Variants in CNTN6 observed in about 807,000 individuals in gnomAD.
The protein encoded by CNTN6 is contactin 6, also known as contactin-6.
In CNTN6, 137 loss-of-function variants were observed where a neutral mutation model predicts 122.8. That is an observed-to-expected ratio of 1.12 (90% CI 0.97 to 1.29). The LOEUF (loss-of-function observed/expected upper bound fraction) is 1.29, where lower values mean the gene tolerates loss of function less well. Ranked by LOEUF, CNTN6 falls within the 50% of genes most tolerant of loss-of-function variation. The probability of loss-of-function intolerance (pLI) is 0.00; values close to 1 mark genes in which losing one functional copy is unlikely to be tolerated. For missense variants in CNTN6, 1,634 were observed against 1,223.4 expected (o/e 1.34, Z -5.01); for synonymous variants, 570 against 426.0 (o/e 1.34, Z -4.16).
intron 12 of CNTN6, among the ~76,000 whole-genome samples, chr3:1,363,333 T>C (rs1707749753): frequency 6.6e-6 from 1 of 151,978 alleles, no homozygotes; most frequent in Non-Finnish European, 1.5e-5. Flanking sequence ...CACAGATAAC[T>C]GTATCATTGT....
intron 4 of CNTN6, among the ~76,000 whole-genome samples, chr3:1,265,044 CTTTTTTT>C (rs201949693): frequency 9.9e-6 from 1 of 100,776 alleles, no homozygotes; most frequent in African/African-American, 3.8e-5. Flanking sequence ...ACCGAATTTC[CTTTTTTT>C]TTTTTTTTTT....
chr3:1,207,151 C>T (rs1188886116), intron 2 of CNTN6, among the ~76,000 whole-genome samples: 1 of 152,052 alleles, frequency 6.6e-6, no homozygotes, highest in Non-Finnish European at 1.5e-5. Flanking sequence ...ATTTATAAAA[C>T]CAAAGTCTTT....
At chr3:1,269,599 T>C (rs544369926) in intron 4 of CNTN6, among the ~76,000 whole-genome samples, 1 of 152,322 alleles carries the variant, frequency 6.6e-6, no homozygotes, top group Non-Finnish European at 1.5e-5. Context: ...CCACCATTTG[T>C]CAGGCAAATG....
At chr3:1,157,192 T>TTA (rs1491571408) in intron 2 of CNTN6, among the ~76,000 whole-genome samples, 26,099 of 146,230 alleles carry the variant, frequency 0.18, 3,129 homozygotes, top group African/African-American at 0.32. Flanking sequence ...AATTATACTC[T>TTA]TTTATTTATT....
chr3:1,125,742 A>G (rs2092136772), intron 1 of CNTN6, among the ~76,000 whole-genome samples: 1 of 151,680 alleles, frequency 6.6e-6, no homozygotes, highest in Non-Finnish European at 1.5e-5. Flanking sequence ...GAATTTCTGT[A>G]AATTAAAGCT....
intron 20 of CNTN6, among the ~76,000 whole-genome samples, chr3:1,388,255 CTGA>C: frequency 6.7e-6 from 1 of 149,422 alleles, no homozygotes; most frequent in East Asian, 2.0e-4. Flanking sequence ...TCCCTGACCC[CTGA>C]CCCCCGAGCA....
At chr3:1,232,356 C>T (rs2094362946) in intron 4 of CNTN6, among the ~76,000 whole-genome samples, 2 of 152,072 alleles carry the variant, frequency 1.3e-5, no homozygotes, top group African/African-American at 4.8e-5. Context: ...TAATTTATAC[C>T]CATCAAGTAC....
At chr3:1,395,007 A>C (rs1046693221) in intron 20 of CNTN6, among the ~76,000 whole-genome samples, 4 of 152,044 alleles carry the variant, frequency 2.6e-5, no homozygotes, top group Non-Finnish European at 4.4e-5. Context: ...TTCTTAACTA[A>C]ATCAAACAAG....
chr3:1,330,544 C>T (rs1702145156), intron 11 of CNTN6, among the ~76,000 whole-genome samples: 1 of 151,846 alleles, frequency 6.6e-6, no homozygotes, highest in South Asian at 2.1e-4. Flanking sequence ...TTCTATTGTA[C>T]CGTAGAGCCT....
intron 12 of CNTN6, among the ~76,000 whole-genome samples, chr3:1,353,113 C>T (rs1481731950): frequency 6.6e-6 from 1 of 151,534 alleles, no homozygotes; most frequent in Admixed American, 6.6e-5. Context: ...GTATCTATTC[C>T]CTTTCCTTGC....
At position 1,245,227 on chromosome 3, in the gene CNTN6, TATATATATAC is replaced by T. The variant is rs1388761143; in HGVS notation, c.358+17236_358+17245del. On this transcript the variant is annotated intron_variant, in intron 4 of 22. Coordinates refer to ENST00000446702, the MANE Select transcript of CNTN6 (RefSeq NM_001289080.2). ...ATATATATATATATATATATATATA[TATATATATAC>T]ACACACACATATATATATAACATAT... Among the ~76,000 whole-genome samples the T allele has an allele frequency of 4.2e-3, 53 of 12,524 alleles. 11 individuals carry two copies. Among genetic ancestry groups the T allele is most frequent in the African/African-American group, 9.3e-3 (19 of 2,054 alleles). The allele number at this position is 12,524 out of a possible 152,430, so 8.2% of individuals were successfully genotyped here.
At chr3:1,216,890 CTCTT>C (rs1559531664) in intron 2 of CNTN6, among the ~76,000 whole-genome samples, 1 of 152,138 alleles carries the variant, frequency 6.6e-6, no homozygotes, top group African/African-American at 2.4e-5. Flanking sequence ...TTCTTGCTCT[CTCTT>C]AAGACAGATG....
intron 8 of CNTN6, among the ~76,000 whole-genome samples, chr3:1,324,860 G>T (rs190614104): frequency 6.7e-5 from 10 of 149,748 alleles, no homozygotes; most frequent in Non-Finnish European, 1.3e-4. Context: ...ATCTTGAACA[G>T]GTTACCTAAC....
At chr3:1,335,227 G>T (rs1446848829) in intron 11 of CNTN6, among the ~76,000 whole-genome samples, 2 of 152,164 alleles carry the variant, frequency 1.3e-5, no homozygotes, top group Non-Finnish European at 2.9e-5. Context: ...TGTCCGGAAT[G>T]ACAGGTGAGC....
intron 2 of CNTN6, among the ~76,000 whole-genome samples, chr3:1,206,057 G>A (rs897102227): frequency 1.3e-5 from 2 of 152,088 alleles, no homozygotes; most frequent in Non-Finnish European, 2.9e-5. Flanking sequence ...GAAAGGCAGG[G>A]TTAATCTTAT....
chr3:1,235,495 G>A (rs1056600635), intron 4 of CNTN6, among the ~76,000 whole-genome samples: 19 of 151,540 alleles, frequency 1.3e-4, no homozygotes, highest in Admixed American at 7.9e-4. Flanking sequence ...GTAATAATGT[G>A]TATATAATTA....
At chr3:1,114,220 C>T (rs1574895450) in intron 1 of CNTN6, among the ~76,000 whole-genome samples, 1 of 152,108 alleles carries the variant, frequency 6.6e-6, no homozygotes, top group Non-Finnish European at 1.5e-5. Context: ...AGAGCAGTGG[C>T]AAAGGCAGAA....
intron 12 of CNTN6, among the ~76,000 whole-genome samples, chr3:1,359,560 G>A (rs1001850651): frequency 1.3e-5 from 2 of 151,970 alleles, no homozygotes; most frequent in East Asian, 1.9e-4. Context: ...TATTGACCAT[G>A]ATTACTTTAT....
At chr3:1,206,647 A>T (rs2093961607) in intron 2 of CNTN6, among the ~76,000 whole-genome samples, 1 of 152,000 alleles carries the variant, frequency 6.6e-6, no homozygotes, top group Admixed American at 6.6e-5. Flanking sequence ...ACTCCTTAGA[A>T]TTTTTTCTTT....
Sources: gnomAD v4.1 joint callset for allele counts (sites outside exome capture counted in the v4.1 genomes callset) on GRCh38, gnomAD v4.1.1 for gene constraint, MANE v1.5 for transcripts, NCBI Gene and HGNC (gene_info 2026-07-23, HGNC 2026-07-21) for gene names.